ATP8B4: variants seen among roughly 807,000 people sequenced by gnomAD.
ATP8B4 encodes probable phospholipid-transporting ATPase IM.
ATP8B4 carries 133 observed loss-of-function variants against 145.6 expected under a neutral mutation model. The ratio of observed to expected loss-of-function variants is 0.91; its 90% CI spans 0.79 to 1.05. ATP8B4 has a LOEUF of 1.05. Ranked by LOEUF, ATP8B4 falls within the 50% of genes least tolerant of loss-of-function variation. The pLI, the probability that ATP8B4 is intolerant of heterozygous loss-of-function variation, is 0.00. For synonymous variants in ATP8B4, 507 were observed against 492.9 expected (o/e 1.03, Z -0.38); for missense variants, 1,458 against 1,425.2 (o/e 1.02, Z -0.37).
intron 2 of ATP8B4, among the ~76,000 whole-genome samples, chr15:50,087,066 A>G (rs1475835646): frequency 1.7e-5 from 2 of 116,512 alleles, no homozygotes; most frequent in South Asian, 2.6e-4. Context: ...TATATATAAT[A>G]AAATAATATA....
intron 20 of ATP8B4, 92 bp downstream of exon 20, chr15:49,916,842 A>C: frequency 8.3e-7 from 1 of 1,208,524 alleles, no homozygotes; most frequent in Non-Finnish European, 1.2e-6. Context: ...ACAGGAAACT[A>C]TAGCATAGCT....
intron 2 of ATP8B4, among the ~76,000 whole-genome samples, chr15:50,089,321 TATC>T: frequency 6.6e-6 from 1 of 152,158 alleles, no homozygotes; most frequent in East Asian, 1.9e-4. Flanking sequence ...CAAAATAAAC[TATC>T]ATCAGAGTGA....
intron 1 of ATP8B4, among the ~76,000 whole-genome samples, chr15:50,108,571 A>C (rs974664044): frequency 4.0e-5 from 6 of 151,804 alleles, no homozygotes; most frequent in Admixed American, 3.3e-4. Flanking sequence ...GCCTCTTTCC[A>C]TTTGGGGGCC....
At chr15:49,920,147 G>T in intron 18 of ATP8B4, 99 bp downstream of exon 18, 1 of 1,413,986 alleles carries the variant, frequency 7.1e-7, no homozygotes, top group Non-Finnish European at 9.7e-7. Flanking sequence ...CATCTGCTGT[G>T]TGCAAGATGA....
At chr15:50,041,160 G>A (rs1376896878) in intron 5 of ATP8B4, among the ~76,000 whole-genome samples, 1 of 152,126 alleles carries the variant, frequency 6.6e-6, no homozygotes, top group Non-Finnish European at 1.5e-5. Context: ...CAATATGTAG[G>A]AACTCATGCA....
intron 14 of ATP8B4, among the ~76,000 whole-genome samples, chr15:49,942,065 C>T (rs988777575): frequency 5.9e-5 from 9 of 151,982 alleles, no homozygotes; most frequent in South Asian, 2.1e-4. Context: ...AGAGGGTAAG[C>T]GATAAAAATC....
intron 2 of ATP8B4, among the ~76,000 whole-genome samples, chr15:50,091,104 C>G (rs2055582893): frequency 6.6e-6 from 1 of 151,894 alleles, no homozygotes; most frequent in Non-Finnish European, 1.5e-5. Context: ...AAAGAGAGTC[C>G]AGATTTCAAA....
intron 20 of ATP8B4, among the ~76,000 whole-genome samples, chr15:49,908,393 A>C (rs2038856678): frequency 6.6e-6 from 1 of 152,204 alleles, no homozygotes. Flanking sequence ...AAGTGACAGG[A>C]AACACCTAAA....
intron 6 of ATP8B4, among the ~76,000 whole-genome samples, chr15:50,028,612 T>C (rs2050186128): frequency 6.6e-6 from 1 of 152,212 alleles, no homozygotes; most frequent in African/African-American, 2.4e-5. Context: ...ATTCTACAGA[T>C]AAACCTATCC....
At chr15:50,160,899 G>A (rs1479279059) in intron 1 of ATP8B4, among the ~76,000 whole-genome samples, 1 of 152,136 alleles carries the variant, frequency 6.6e-6, no homozygotes, top group South Asian at 2.1e-4. Flanking sequence ...GGTTTATGGT[G>A]CAGAATAAGT....
At chr15:50,172,999 G>A (rs1430566654) in intron 1 of ATP8B4, among the ~76,000 whole-genome samples, 12 of 149,158 alleles carry the variant, frequency 8.0e-5, no homozygotes, top group South Asian at 2.1e-4. Flanking sequence ...CAGCCGCCCC[G>A]TCCGGGAGGT....
intron 1 of ATP8B4, among the ~76,000 whole-genome samples, chr15:50,167,104 T>C (rs368543141): frequency 2.0e-5 from 3 of 152,316 alleles, no homozygotes; most frequent in East Asian, 3.9e-4. Context: ...TCCTTGTACT[T>C]TTTTCTATTT....
chr15:50,147,208 G>C (rs2153680457), intron 1 of ATP8B4, among the ~76,000 whole-genome samples: 1 of 152,150 alleles, frequency 6.6e-6, no homozygotes, highest in African/African-American at 2.4e-5. Flanking sequence ...CTGAGGTCAG[G>C]AGTTCAAGAC....
intron 5 of ATP8B4, among the ~76,000 whole-genome samples, chr15:50,042,155 A>T (rs1303878021): frequency 6.7e-5 from 5 of 74,114 alleles, no homozygotes; most frequent in Non-Finnish European, 1.4e-4. Flanking sequence ...ACTCTGTCTT[A>T]AAAAAAAAAA....
rs1040305269 is a variant in ATP8B4 at position 50,070,719 on chromosome 15, GT to G, written c.87+3407del. Among the ~76,000 whole-genome samples the G allele has an allele frequency of 2.2e-4, 33 of 152,096 alleles. 1 individual carries two copies. The highest frequency in any genetic ancestry group is 7.5e-4 in the African/African-American group (31 of 41,500). On this transcript the variant is annotated intron_variant, in intron 3 of 27. Coordinates refer to ENST00000284509, the MANE Select transcript of ATP8B4 (RefSeq NM_024837.4). The stretch of plus-strand genomic sequence containing the variant: ...CATAGTGGAATTTGATTTTATCTTG[GT>G]TTTTTGTGTTGTGTTTTGTTTTGTT...
At chr15:50,174,732 A>G (rs1463317698) in intron 1 of ATP8B4, among the ~76,000 whole-genome samples, 1 of 152,172 alleles carries the variant, frequency 6.6e-6, no homozygotes, top group African/African-American at 2.4e-5. Context: ...AAAGCAATCT[A>G]CAAATTCAAG....
In ATP8B4 at chr15:50,176,033, TATAGAG is replaced by T. The variant is rs540704695; in HGVS notation, c.-43+6222_-43+6227del. On this transcript the variant is annotated intron_variant, in intron 1 of 3. Coordinates refer to the ATP8B4 transcript ENST00000558829. Reference sequence around the variant, plus strand: ...GTATCGCAGTATATATATATCATAGTATAGAGAGAGTGTATATATATACCGCAGAGT... The same window carrying T: ...GTATCGCAGTATATATATATCATAGTAGAGTGTATATATATACCGCAGAGT... Among the ~76,000 whole-genome samples, 167 of 151,258 alleles carry T rather than the reference TATAGAG, an allele frequency of 1.1e-3. 1 individual carries two copies. Among genetic ancestry groups the T allele is most frequent in the African/African-American group, 4.0e-3 (164 of 40,854 alleles).
rs566688764 is a variant in ATP8B4 at position 49,908,141 on chromosome 15, C to T, written c.2142-6902G>A. The T allele has an allele frequency of 6.6e-6, 3 of 455,786 alleles. No individual in the cohort carries two copies. In the East Asian group the frequency reaches 2.1e-4, roughly 32 times the overall value. The allele number at this position is 455,786 out of a possible 1,614,324, so 28.2% of individuals were successfully genotyped here. On this transcript the variant is annotated intron_variant, in intron 20 of 27. Coordinates refer to ENST00000284509, the MANE Select transcript of ATP8B4 (RefSeq NM_024837.4). ...AACAAAATGAGGTAATACATGTGTA[C>T]TGCCTACAATACTCTTCCAGGCACT...
intron 13 of ATP8B4, among the ~76,000 whole-genome samples, chr15:49,970,467 A>G (rs2045001068): frequency 6.6e-6 from 1 of 152,200 alleles, no homozygotes; most frequent in South Asian, 2.1e-4. Flanking sequence ...AAGCATTCCT[A>G]TACACCAATA....
Sources: allele counts gnomAD v4.1 joint callset (sites outside exome capture counted in the v4.1 genomes callset), GRCh38; gene constraint gnomAD v4.1.1; transcripts MANE v1.5; gene names NCBI Gene and HGNC (gene_info 2026-07-23, HGNC 2026-07-21).